TSPAN11: variants seen among roughly 807,000 people sequenced by gnomAD.
TSPAN11 encodes tetraspanin 11, also known as tetraspanin-11.
In TSPAN11, 29 loss-of-function variants were observed where a neutral mutation model predicts 32.9. The ratio of observed to expected loss-of-function variants is 0.88; its 90% CI spans 0.66 to 1.20. The LOEUF (loss-of-function observed/expected upper bound fraction) is 1.20, where lower values mean the gene tolerates loss of function less well. Among genes scored for constraint, TSPAN11 ranks in the 50% most tolerant of loss-of-function variants. The pLI, the probability that TSPAN11 is intolerant of heterozygous loss-of-function variation, is 0.00. For missense variants in TSPAN11, 283 were observed against 329.1 expected (o/e 0.86, Z 1.08); for synonymous variants, 140 against 141.3 (o/e 0.99, Z 0.07).
chr12:30,952,738 C>T (rs541721976), intron 1 of TSPAN11, among the ~76,000 whole-genome samples: 26 of 152,270 alleles, frequency 1.7e-4, no homozygotes, highest in Non-Finnish European at 2.9e-4. Context: ...TCCCCTGGCC[C>T]GGCATGTGTG....
intron 1 of TSPAN11, among the ~76,000 whole-genome samples, chr12:30,951,840 G>C (rs1446383835): frequency 6.6e-6 from 1 of 152,204 alleles, no homozygotes; most frequent in Non-Finnish European, 1.5e-5. Flanking sequence ...GCACTGAATG[G>C]TGGAGAATAG....
At chr12:30,943,232 G>C (rs1228778406) in intron 1 of TSPAN11, among the ~76,000 whole-genome samples, 1 of 152,140 alleles carries the variant, frequency 6.6e-6, no homozygotes, top group East Asian at 1.9e-4. Context: ...AGACCACCAA[G>C]CTAAAAGAAG....
At chr12:30,956,596 G>A (rs1218355690) in intron 2 of TSPAN11, among the ~76,000 whole-genome samples, 1 of 152,062 alleles carries the variant, frequency 6.6e-6, no homozygotes, top group Non-Finnish European at 1.5e-5. Context: ...TCGATTGGAT[G>A]ATCCTACAAA....
chr12:30,989,938 G>A (rs2140313290), intron 7 of TSPAN11, among the ~76,000 whole-genome samples: 1 of 152,298 alleles, frequency 6.6e-6, no homozygotes, highest in South Asian at 2.1e-4. Flanking sequence ...GGGCCTCCAA[G>A]CCGGGCCCAA....
intron 2 of TSPAN11, among the ~76,000 whole-genome samples, chr12:30,957,406 C>T (rs1039098317): frequency 3.9e-5 from 6 of 152,154 alleles, no homozygotes; most frequent in Non-Finnish European, 7.4e-5. Context: ...GCTCAGGACT[C>T]TAGGCCTGCT....
At chr12:30,933,289 G>T (rs1376020174) in intron 1 of TSPAN11, among the ~76,000 whole-genome samples, 1 of 151,362 alleles carries the variant, frequency 6.6e-6, no homozygotes, top group Non-Finnish European at 1.5e-5. Context: ...AGGTCCCCCA[G>T]CCAGTAAGAG....
Position 30,979,623 on chromosome 12 carries a change from C to T in TSPAN11, c.409C>T (p.Pro137Ser). Residue 137 changes from proline (P) to serine (S), a missense_variant, in exon 5 of 8, where the codon CCC (proline) becomes TCC (serine). Transcript: ENST00000546076. ...NRTLAENYGQ[P>S]GATQITASVD... ...GACTCTGGCTGAGAACTACGGGCAGCCCGGAGCCACGCAGATCACCGCCTC... is the reference window on the plus strand; with the variant it reads ...GACTCTGGCTGAGAACTACGGGCAGTCCGGAGCCACGCAGATCACCGCCTC... 6.2e-7 allele frequency: 1 copy of T among 1,614,180 alleles called. No individual in the cohort carries two copies. The highest frequency in any genetic ancestry group is 8.5e-7 in the Non-Finnish European group (1 of 1,180,030).
At chr12:30,935,274 A>G (rs181068312) in intron 1 of TSPAN11, among the ~76,000 whole-genome samples, 8 of 152,250 alleles carry the variant, frequency 5.3e-5, no homozygotes, top group African/African-American at 1.9e-4. Flanking sequence ...TATCACAGAA[A>G]TCATTCTCTG....
rs1411073387 is a variant in TSPAN11, at chr12:30,993,411, A to T, written c.*1496A>T. 2 of 152,382 alleles carry T rather than the reference A, an allele frequency of 1.3e-5. No homozygotes were observed. The highest frequency in any genetic ancestry group is 1.9e-4 in the East Asian group (1 of 5,194). 9.4% of individuals were successfully genotyped at this position (152,382 alleles called of 1,614,324 possible). ...AAGGCCACCCAGTGCTGACCCCAAC[A>T]GAGCCCTGAACTGTCCAGAAACTGC... On this transcript the variant is annotated 3_prime_UTR_variant, in exon 8 of 8. Coordinates refer to ENST00000546076, the MANE Select transcript of TSPAN11 (RefSeq NM_001370302.1).
chr12:31,004,285 G>A, the TSPAN11 span, among the ~76,000 whole-genome samples: 12 of 152,148 alleles, frequency 7.9e-5, no homozygotes, highest in Admixed American at 2.0e-4. Context: ...TCACACGTCC[G>A]GTTGTGTGCA....
At chr12:30,996,875 TC>T (rs1388299151), downstream of TSPAN11, among the ~76,000 whole-genome samples, 2 of 152,212 alleles carry the variant, frequency 1.3e-5, no homozygotes, top group African/African-American at 4.8e-5. Flanking sequence ...TAAATTGTAT[TC>T]CTCTTCAGGC....
In TSPAN11 at chr12:30,952,056, C is replaced by G. The variant is rs551810907; in HGVS notation, c.-11-1925C>G. Among the ~76,000 whole-genome samples the G allele has an allele frequency of 4.6e-4, 70 of 152,298 alleles. 2 individuals are homozygous for G. The Middle Eastern group carries it at 0.01, about 22-fold the overall frequency. On this transcript the variant is annotated intron_variant, in intron 1 of 7. Coordinates refer to ENST00000546076, the MANE Select transcript of TSPAN11 (RefSeq NM_001370302.1). ...ATTAGAATGGTTTCTTTTCCTTAAGCCTTGTCTTCTGCCTGAAGTTCTTTT... is the reference window on the plus strand; with the variant it reads ...ATTAGAATGGTTTCTTTTCCTTAAGGCTTGTCTTCTGCCTGAAGTTCTTTT...
intron 3 of TSPAN11, among the ~76,000 whole-genome samples, chr12:30,976,767 G>GC (rs778516771): frequency 3.3e-5 from 5 of 152,234 alleles, no homozygotes; most frequent in Admixed American, 1.3e-4. Context: ...GGCAGCATCT[G>GC]CAAGCATGTC....
In TSPAN11 at chr12:30,982,618, C is replaced by T. The variant is rs147404716; in HGVS notation, c.543C>T (p.Pro181=). The part of the protein sequence containing the change: ...LLREAEGRQV[P]DSCCKTVVVR... Reference sequence around the variant, plus strand: ...GGGAGGCCGAGGGCCGCCAGGTGCCCGACAGCTGCTGCAAGACAGTGGTGG... The same window carrying T: ...GGGAGGCCGAGGGCCGCCAGGTGCCTGACAGCTGCTGCAAGACAGTGGTGG... The change falls in exon 6 of 8, where the codon CCC becomes CCT. Residue 181 remains proline (P), a synonymous_variant. Transcript: ENST00000546076. 129 of 1,612,474 alleles carry T rather than the reference C, an allele frequency of 8.0e-5. No homozygotes were observed. In the African/African-American group the frequency reaches 1.5e-3, roughly 18 times the overall value.
At chr12:31,008,519 G>C in the TSPAN11 span, among the ~76,000 whole-genome samples, 1 of 152,182 alleles carries the variant, frequency 6.6e-6, no homozygotes, top group Non-Finnish European at 1.5e-5. Context: ...GGAGAGAGGT[G>C]AGGAGGTCCT....
intron 1 of TSPAN11, among the ~76,000 whole-genome samples, chr12:30,936,945 T>A (rs554039257): frequency 1.4e-4 from 22 of 152,274 alleles, no homozygotes; most frequent in African/African-American, 3.1e-4. Flanking sequence ...GACGAGTCGA[T>A]GAGGCCAAGG....
intron 2 of TSPAN11, among the ~76,000 whole-genome samples, chr12:30,962,726 C>T (rs1164927383): frequency 6.6e-6 from 1 of 152,082 alleles, no homozygotes; most frequent in Non-Finnish European, 1.5e-5. Context: ...CTTGAGGAAG[C>T]ATCCCACACC....
chr12:30,993,821 C>T lies in TSPAN11; in HGVS notation c.*1906C>T, dbSNP rs2287453. 3,603 of 152,458 alleles carry T rather than the reference C, an allele frequency of 0.024. 129 individuals are homozygous for T. Among genetic ancestry groups the T allele is most frequent in the East Asian group, 0.13 (658 of 5,188 alleles). The allele number at this position is 152,458 out of a possible 1,614,324, so 9.4% of individuals were successfully genotyped here. A position where few individuals can be genotyped will look rare whatever the true frequency, so the allele number is the denominator to read the frequency against. On this transcript the variant is annotated 3_prime_UTR_variant, in exon 8 of 8. Transcript: ENST00000546076. ...TGGGCTAGAGCCATGTTCTTCCTGC[C>T]GAGGTGCCAGGGGGAGGCGGCAGTG...
intron 2 of TSPAN11, among the ~76,000 whole-genome samples, chr12:30,961,707 G>C (rs1938616835): frequency 6.6e-6 from 1 of 152,004 alleles, no homozygotes; most frequent in Non-Finnish European, 1.5e-5. Context: ...TTACAGGTTG[G>C]GAACCACTGG....
Sources: gnomAD v4.1 joint callset for allele counts (sites outside exome capture counted in the v4.1 genomes callset) on GRCh38, gnomAD v4.1.1 for gene constraint, MANE v1.5 for transcripts, NCBI Gene and HGNC (gene_info 2026-07-23, HGNC 2026-07-21) for gene names.